DSCAM: variants seen among roughly 807,000 people sequenced by gnomAD.
The protein encoded by DSCAM is DS cell adhesion molecule, also known as cell adhesion molecule DSCAM.
DSCAM carries 47 observed loss-of-function variants against 217.7 expected under a neutral mutation model. That is an observed-to-expected ratio of 0.22 (90% CI 0.17 to 0.28). DSCAM has a LOEUF of 0.28. DSCAM is among the 10% of genes least tolerant of loss of function. DSCAM has a pLI of 1.00. For synonymous variants in DSCAM, 1,056 were observed against 1,015.3 expected, an observed-to-expected ratio of 1.04 and a Z score of -0.76; for missense variants, 2,080 against 2,618.3, an observed-to-expected ratio of 0.79 and a Z score of 4.49.
At chr21:40,842,253 G>A (rs2123687384) in intron 1 of DSCAM, among the ~76,000 whole-genome samples, 1 of 152,340 alleles carries the variant, frequency 6.6e-6, no homozygotes, top group South Asian at 2.1e-4. Context: ...CCAAGAAAAT[G>A]CCCACACGCG....
At chr21:40,791,146 GA>G (rs1326261086) in intron 1 of DSCAM, among the ~76,000 whole-genome samples, 3 of 142,016 alleles carry the variant, frequency 2.1e-5, no homozygotes, top group Non-Finnish European at 4.6e-5. Flanking sequence ...AACAAAGCGA[GA>G]CTTCATCTCA....
At chr21:40,664,338 T>C (rs576279723) in intron 3 of DSCAM, among the ~76,000 whole-genome samples, 1 of 152,308 alleles carries the variant, frequency 6.6e-6, no homozygotes, top group Admixed American at 6.5e-5. Flanking sequence ...CTTCATTTAT[T>C]GTTATCAAGG....
At chr21:40,619,951 A>T (rs373062712) in intron 3 of DSCAM, among the ~76,000 whole-genome samples, 1 of 151,064 alleles carries the variant, frequency 6.6e-6, no homozygotes, top group East Asian at 1.9e-4. Context: ...AAAGGAAGAA[A>T]AAAGGAAAAA....
chr21:40,609,127 G>A (rs2089280594), intron 3 of DSCAM, among the ~76,000 whole-genome samples: 1 of 151,980 alleles, frequency 6.6e-6, no homozygotes, highest in African/African-American at 2.4e-5. Flanking sequence ...GCTATTTTTT[G>A]TATTTTTAGA....
intron 27 of DSCAM, among the ~76,000 whole-genome samples, chr21:40,074,005 G>A (rs1303741063): frequency 6.6e-6 from 1 of 152,174 alleles, no homozygotes; most frequent in Non-Finnish European, 1.5e-5. Context: ...ATAGTGAAAT[G>A]TACCAGAATT....
intron 21 of DSCAM, among the ~76,000 whole-genome samples, chr21:40,093,503 G>C (rs1230423688): frequency 6.6e-6 from 1 of 152,128 alleles, no homozygotes; most frequent in Non-Finnish European, 1.5e-5. Flanking sequence ...TCCATTGTAA[G>C]GCCACTCATT....
At position 40,051,974 on chromosome 21, in the gene DSCAM, G is replaced by T. The variant is rs779058480; in HGVS notation, c.5169C>A (p.Asp1723Glu). ...QATGPLVDVS[D>E]ARPGTNPTTR... ...ACCACTCACTCGTTCCCGGCCGAGC[G>T]TCTGAAACATCCACTAAGGGCCCAG... is the stretch of plus-strand genomic sequence containing the variant. The change falls in exon 30 of 33, where the codon GAC becomes GAA. Residue 1723 changes from aspartate (D) to glutamate (E), a missense_variant. Physicochemically the swap from Asp to Glu is conservative, Grantham distance 45. This residue lies in a region of DSCAM where 1,144 missense variants were observed against 1,421.1 expected (regional missense o/e 0.81). Coordinates refer to ENST00000400454, the MANE Select transcript of DSCAM (RefSeq NM_001389.5). The T allele has an allele frequency of 5.6e-6, 9 of 1,613,000 alleles. No homozygotes were observed. The East Asian group carries it at 1.8e-4, about 32-fold the overall frequency.
chr21:40,320,707 C>T (rs1241872947), intron 8 of DSCAM, among the ~76,000 whole-genome samples: 4 of 152,186 alleles, frequency 2.6e-5, no homozygotes, highest in Non-Finnish European at 4.4e-5. Flanking sequence ...ATGAGGAAGA[C>T]GCAAAAGCGG....
chr21:40,633,431 A>C (rs1568951081), intron 3 of DSCAM, among the ~76,000 whole-genome samples: 1 of 152,344 alleles, frequency 6.6e-6, no homozygotes, highest in Admixed American at 6.5e-5. Flanking sequence ...TTCGTTCCCA[A>C]TATGTCCTAG....
At chr21:40,803,350 C>T (rs2091758837) in intron 1 of DSCAM, among the ~76,000 whole-genome samples, 1 of 152,194 alleles carries the variant, frequency 6.6e-6, no homozygotes, top group Non-Finnish European at 1.5e-5. Context: ...CACGTGAGCA[C>T]ACATATGCTA....
At chr21:40,191,330 G>A (rs7278173) in intron 11 of DSCAM, among the ~76,000 whole-genome samples, 10,138 of 152,176 alleles carry the variant, frequency 0.067, 1,059 homozygotes, top group African/African-American at 0.22. Context: ...AAGATGGAAA[G>A]TAGGCAAATT....
At chr21:40,089,956 T>G (rs2089584775) in intron 21 of DSCAM, among the ~76,000 whole-genome samples, 1 of 152,194 alleles carries the variant, frequency 6.6e-6, no homozygotes, top group Non-Finnish European at 1.5e-5. Flanking sequence ...CAGCACTCCC[T>G]GCTGGTCTTA....
chr21:40,812,098 G>A (rs1435311569), intron 1 of DSCAM, among the ~76,000 whole-genome samples: 1 of 152,236 alleles, frequency 6.6e-6, no homozygotes, highest in East Asian at 1.9e-4. Flanking sequence ...GTGAGTAAGT[G>A]AAGAGTGAAG....
intron 11 of DSCAM, among the ~76,000 whole-genome samples, chr21:40,274,278 C>T (rs2123374599): frequency 6.6e-6 from 1 of 152,226 alleles, no homozygotes; most frequent in East Asian, 1.9e-4. Context: ...TCCTTAATTC[C>T]CCCAAGCTGA....
At chr21:40,637,438 A>AAT (rs572148681) in intron 3 of DSCAM, among the ~76,000 whole-genome samples, 4,145 of 15,812 alleles carry the variant, frequency 0.26, 1,827 homozygotes, top group East Asian at 0.85. Flanking sequence ...TATAAATATA[A>AAT]ATATATATAT....
chr21:40,611,186 G>A lies in DSCAM; in HGVS notation c.508+81624C>T, dbSNP rs1472058507. ...CGATTCTCCTGCCTCAGCCTCCCGG[G>A]TAGCTGGGACTACAGGTGCACGCCT... On this transcript the variant is annotated intron_variant, in intron 3 of 32. Coordinates refer to ENST00000400454, the MANE Select transcript of DSCAM (RefSeq NM_001389.5). Among the ~76,000 whole-genome samples, 11 of 151,360 alleles carry A rather than the reference G, an allele frequency of 7.3e-5. No individual in the cohort carries two copies. The South Asian group carries it at 2.3e-3, about 32-fold the overall frequency.
At chr21:40,616,310 C>T (rs575474556) in intron 3 of DSCAM, among the ~76,000 whole-genome samples, 8 of 152,246 alleles carry the variant, frequency 5.3e-5, no homozygotes, top group African/African-American at 1.7e-4. Context: ...ATATTCCCTG[C>T]GCTGCTAATT....
chr21:40,633,009 A>T (rs918139748), intron 3 of DSCAM, among the ~76,000 whole-genome samples: 4 of 152,202 alleles, frequency 2.6e-5, no homozygotes, highest in Non-Finnish European at 4.4e-5. Context: ...GTAAAAGAGC[A>T]TGGCAGGAAC....
At chr21:40,735,323 T>C (rs2091052194) in intron 1 of DSCAM, among the ~76,000 whole-genome samples, 1 of 152,156 alleles carries the variant, frequency 6.6e-6, no homozygotes, top group Non-Finnish European at 1.5e-5. Context: ...AAGGAGGAAA[T>C]ACAACTAGTT....
Sources: allele counts gnomAD v4.1 joint callset (sites outside exome capture counted in the v4.1 genomes callset), GRCh38; gene constraint gnomAD v4.1.1; regional missense constraint gnomAD v4.1.1; transcripts MANE v1.5; gene names NCBI Gene and HGNC (gene_info 2026-07-23, HGNC 2026-07-21).